The following ADAMTS18 variants were observed in gnomAD, a reference collection of about 807,000 sequenced individuals.
ADAMTS18 encodes the protein A disintegrin and metalloproteinase with thrombospondin motifs 18.
A neutral mutation model predicts 165.9 loss-of-function variants in ADAMTS18; 157 were observed. The ratio of observed to expected loss-of-function variants is 0.95; its 90% CI spans 0.83 to 1.08. The LOEUF (loss-of-function observed/expected upper bound fraction) is 1.08. Ranked by LOEUF, ADAMTS18 falls within the 50% of genes least tolerant of loss-of-function variation. The pLI, the probability that ADAMTS18 is intolerant of heterozygous loss-of-function variation, is 0.00. For missense variants in ADAMTS18, 2,040 were observed against 1,534.0 expected (o/e 1.33, Z -5.51); for synonymous variants, 782 against 578.2 (o/e 1.35, Z -5.06).
intron 20 of ADAMTS18, among the ~76,000 whole-genome samples, chr16:77,292,025 G>C (rs2055373690): frequency 6.6e-6 from 1 of 152,124 alleles, no homozygotes; most frequent in African/African-American, 2.4e-5. Context: ...ATCCTTTTAG[G>C]CTGGGTGCAG....
intron 9 of ADAMTS18, among the ~76,000 whole-genome samples, chr16:77,354,274 A>G (rs1165722220): frequency 6.6e-6 from 1 of 152,242 alleles, no homozygotes; most frequent in East Asian, 1.9e-4. Context: ...AATAAACCAG[A>G]CAGACACAGT....
intron 16 of ADAMTS18, among the ~76,000 whole-genome samples, chr16:77,300,636 C>G (rs78972681): frequency 0.039 from 6,001 of 152,114 alleles, 148 homozygotes; most frequent in African/African-American, 0.063. Flanking sequence ...AAGAGCAAAA[C>G]ACGATTGACA....
intron 18 of ADAMTS18, 133 bp from the exon 19 acceptor site, chr16:77,295,260 A>C: frequency 1.1e-6 from 1 of 931,556 alleles, no homozygotes; most frequent in Non-Finnish European, 1.7e-6. Context: ...AGTTATTCTA[A>C]TTGTTCTTTG....
intron 3 of ADAMTS18, among the ~76,000 whole-genome samples, chr16:77,387,624 G>A (rs1454983239): frequency 6.6e-6 from 1 of 152,116 alleles, no homozygotes; most frequent in Non-Finnish European, 1.5e-5. Flanking sequence ...TTGTAATGAG[G>A]CGATTACAAG....
In ADAMTS18 at chr16:77,326,037, G is replaced by A; in HGVS notation, c.1861C>T (p.Pro621Ser). 1 of 1,613,454 alleles carries A rather than the reference G, an allele frequency of 6.2e-7. No homozygotes were observed. Among genetic ancestry groups the A allele is most frequent in the South Asian group, 1.1e-5 (1 of 91,062 alleles). ...FQERHCNNPK[P>S]QYGGLFCPGS... ...GGACAGAATAAGCCACCATACTGAGGCCTGAAAATGAAATTAATGAACTTT... is the reference window on the plus strand; with the variant it reads ...GGACAGAATAAGCCACCATACTGAGACCTGAAAATGAAATTAATGAACTTT... Residue 621 changes from proline to serine, a missense_variant and splice_region_variant, in exon 13 of 23, where the codon CCT becomes TCT. Physicochemically the swap from Pro to Ser is moderately conservative, Grantham distance 74. Coordinates refer to ENST00000282849, the MANE Select transcript of ADAMTS18 (RefSeq NM_199355.4).
In ADAMTS18 at chr16:77,364,186, A is replaced by C; in HGVS notation, c.972+2T>G. On this transcript the variant is annotated splice_donor_variant, in intron 5 of 22. Coordinates refer to ENST00000282849, the MANE Select transcript of ADAMTS18 (RefSeq NM_199355.4). LOFTEE classifies it high-confidence loss of function. ...CAGAAGGTTTGTGACACCCCCGCTT[A>C]CCATGTTCATTACTGTGAGAATGTA... 6.2e-7 allele frequency: 1 copy of C among 1,614,070 alleles called. No individual in the cohort carries two copies. Among genetic ancestry groups the C allele is most frequent in the Non-Finnish European group, 8.5e-7 (1 of 1,180,008 alleles).
At position 77,356,094 on chromosome 16, in the gene ADAMTS18, A is replaced by G. The variant is rs930567341; in HGVS notation, c.1323-17T>C. On this transcript the variant is annotated splice_polypyrimidine_tract_variant and intron_variant, in intron 8 of 22. Transcript: ENST00000282849. ...ATACCAAAGCTGAAACAGAATGAAG[A>G]AAACAAAATCCTGCTTTGTGAACCC... The G allele has an allele frequency of 3.1e-6, 5 of 1,614,052 alleles. No homozygotes were observed. The highest frequency in any genetic ancestry group is 1.7e-5 in the Admixed American group (1 of 60,020).
intron 20 of ADAMTS18, among the ~76,000 whole-genome samples, chr16:77,292,155 T>A (rs1186965147): frequency 6.6e-6 from 1 of 151,966 alleles, no homozygotes; most frequent in African/African-American, 2.4e-5. Context: ...TGAAACCACA[T>A]CTCTATAAAA....
chr16:77,431,459 C>G lies in ADAMTS18; in HGVS notation c.331G>C (p.Glu111Gln), dbSNP rs1263159643. 1.9e-6 allele frequency: 3 copies of G among 1,614,078 alleles called. No individual in the cohort carries two copies. The African/African-American group carries it at 4.0e-5, about 22-fold the overall frequency. ...FSAFGQELHLELKPSAILSSH... is the reference protein window; with the variant it reads ...FSAFGQELHLQLKPSAILSSH... ...CTCAAAATCGCCGAGGGCTTAAGTT[C>G]TAAGTGCAGTTCCTGTCCAAATGCT... Residue 111 changes from glutamate to glutamine, a missense_variant, in exon 3 of 23, where the codon GAA becomes CAA. Coordinates refer to ENST00000282849, the MANE Select transcript of ADAMTS18 (RefSeq NM_199355.4).
chr16:77,315,051 T>C (rs1418570318), intron 16 of ADAMTS18, among the ~76,000 whole-genome samples: 3 of 151,898 alleles, frequency 2.0e-5, no homozygotes, highest in Admixed American at 6.6e-5. Context: ...TTATGTGTTT[T>C]ATTTTTAACT....
intron 16 of ADAMTS18, among the ~76,000 whole-genome samples, chr16:77,312,208 C>A (rs1397855959): frequency 6.6e-6 from 1 of 151,872 alleles, no homozygotes; most frequent in Non-Finnish European, 1.5e-5. Flanking sequence ...GGAGGCCAAT[C>A]TTCCATTCCT....
At chr16:77,430,752 C>T (rs1038437851) in intron 3 of ADAMTS18, among the ~76,000 whole-genome samples, 1 of 152,154 alleles carries the variant, frequency 6.6e-6, no homozygotes, top group Non-Finnish European at 1.5e-5. Flanking sequence ...CCCTGAATGC[C>T]ACATTTAATC....
At chr16:77,304,154 C>T (rs13337289) in intron 16 of ADAMTS18, among the ~76,000 whole-genome samples, 29,247 of 152,124 alleles carry the variant, frequency 0.19, 3,822 homozygotes, top group African/African-American at 0.37. Flanking sequence ...TAACAAATCT[C>T]GGTGATGATT....
At chr16:77,366,587 A>G (rs768877304) in intron 4 of ADAMTS18, among the ~76,000 whole-genome samples, 2 of 152,190 alleles carry the variant, frequency 1.3e-5, no homozygotes, top group Non-Finnish European at 2.9e-5. Context: ...AAAAACAAAA[A>G]AACAAGCAAA....
Position 77,370,639 on chromosome 16 carries a change from A to G in ADAMTS18, c.496-2916T>C, listed in dbSNP as rs145192307. 4.8e-3 allele frequency among the ~76,000 whole-genome samples: 736 copies of G among 152,182 alleles called. 4 individuals carry two copies. The highest frequency in any genetic ancestry group is 0.013 in the East Asian group (68 of 5,154). On this transcript the variant is annotated intron_variant, in intron 3 of 22. Coordinates refer to ENST00000282849, the MANE Select transcript of ADAMTS18 (RefSeq NM_199355.4). The stretch of plus-strand genomic sequence containing the variant: ...ATGGTGGGCATCTGTAGTCGCAACT[A>G]CTCAGGAGGCTGAGACAGGAGAATC...
In ADAMTS18 at chr16:77,362,225, T is replaced by A. The variant is rs1326151780; in HGVS notation, c.1096A>T (p.Asn366Tyr). Residue 366 changes from asparagine to tyrosine, a missense_variant, in exon 7 of 23, where the codon AAT (asparagine) becomes TAT (tyrosine). By Grantham distance (143) the Asn-to-Tyr change is moderately radical. Transcript: ENST00000282849. ...GCAGACTGCCATTGACAAAAACTAT[T>A]CAGAGACTGGTCTGCATGATGGTTG... is the stretch of plus-strand genomic sequence containing the variant. ...LINHHADQSLNSFCQWQSALI... is the reference protein window; with the variant it reads ...LINHHADQSLYSFCQWQSALI... The A allele has an allele frequency of 6.2e-7, 1 of 1,614,138 alleles. No individual in the cohort carries two copies.
intron 3 of ADAMTS18, among the ~76,000 whole-genome samples, chr16:77,400,465 TGTGTGTGTGTGTGTG>T (rs2057313548): frequency 7.0e-6 from 1 of 142,540 alleles, no homozygotes; most frequent in Non-Finnish European, 1.6e-5. Context: ...TCTGTGTGTG[TGTGTGTGTGTGTGTG>T]TTTTGTTTTT....
chr16:77,414,708 C>T (rs2057507526), intron 3 of ADAMTS18, among the ~76,000 whole-genome samples: 1 of 152,160 alleles, frequency 6.6e-6, no homozygotes, highest in Non-Finnish European at 1.5e-5. Context: ...TAAAGATCTA[C>T]TGCATACTAA....
intron 3 of ADAMTS18, chr16:77,378,782 A>C (rs973854170): frequency 2.0e-5 from 3 of 152,156 alleles, no homozygotes; most frequent in Admixed American, 2.0e-4. Flanking sequence ...ATAACACTCA[A>C]TACATATTTA....
Sources: allele counts gnomAD v4.1 joint callset (sites outside exome capture counted in the v4.1 genomes callset), GRCh38; gene constraint gnomAD v4.1.1; transcripts MANE v1.5; gene names NCBI Gene and HGNC (gene_info 2026-07-23, HGNC 2026-07-21).